SNX30: variants seen among roughly 807,000 people sequenced by gnomAD.
SNX30 encodes sorting nexin-30.
SNX30 carries 24 observed loss-of-function variants against 46.4 expected under a neutral mutation model. The ratio of observed to expected loss-of-function variants is 0.52; its 90% CI spans 0.37 to 0.73. The LOEUF (loss-of-function observed/expected upper bound fraction) is 0.73. Among genes scored for constraint, SNX30 ranks in the 30% least tolerant of loss-of-function variants. The pLI, the probability that SNX30 is intolerant of heterozygous loss-of-function variation, is 0.00. For missense variants in SNX30, 533 were observed against 555.7 expected (o/e 0.96, Z 0.41); for synonymous variants, 189 against 211.5 (o/e 0.89, Z 0.92).
intron 7 of SNX30, among the ~76,000 whole-genome samples, chr9:112,858,666 T>C (rs1175239327): frequency 6.6e-6 from 1 of 152,200 alleles, no homozygotes; most frequent in Admixed American, 6.5e-5. Context: ...TTGGGGAACT[T>C]CACAAGCTGG....
chr9:112,822,332 C>T (rs944166049), intron 3 of SNX30, among the ~76,000 whole-genome samples: 3 of 152,116 alleles, frequency 2.0e-5, no homozygotes, highest in Non-Finnish European at 4.4e-5. Flanking sequence ...ATAGTTGGAG[C>T]TGCCAGAAAG....
At chr9:112,775,542 T>TTGTGTGTG (rs199600863) in intron 1 of SNX30, among the ~76,000 whole-genome samples, 14,051 of 131,108 alleles carry the variant, frequency 0.11, 931 homozygotes, top group South Asian at 0.13. Context: ...TATTTTAAAT[T>TTGTGTGTG]TGTGTGTGTG....
chr9:112,766,500 A>G (rs1296903841), intron 1 of SNX30, among the ~76,000 whole-genome samples: 3 of 152,162 alleles, frequency 2.0e-5, no homozygotes, highest in Non-Finnish European at 4.4e-5. Flanking sequence ...CATCTTAACC[A>G]TTTTTAAGTA....
At chr9:112,821,960 G>A (rs1362256100) in intron 3 of SNX30, among the ~76,000 whole-genome samples, 1 of 151,686 alleles carries the variant, frequency 6.6e-6, no homozygotes, top group African/African-American at 2.4e-5. Context: ...ATTTTTTTTT[G>A]TAGAGACAAG....
chr9:112,882,833 C>T (rs1841597636), downstream of SNX30, among the ~76,000 whole-genome samples: 1 of 151,896 alleles, frequency 6.6e-6, no homozygotes, highest in African/African-American at 2.4e-5. Context: ...TAATATGAAC[C>T]TTTGGAAGTA....
rs377422322 is a variant in SNX30 at position 112,838,548 on chromosome 9, G to A, written c.865G>A (p.Ala289Thr). ...EYGPVYSTWSALEGELAEPLE... is the reference protein window; with the variant it reads ...EYGPVYSTWSTLEGELAEPLE... Reference sequence around the variant, plus strand: ...CGGGCCTGTGTACTCCACATGGAGCGCCTTGGAGGGTGAGCTGGCTGAACC... The same window carrying A: ...CGGGCCTGTGTACTCCACATGGAGCACCTTGGAGGGTGAGCTGGCTGAACC... The change falls in exon 6 of 9, where the codon GCC becomes ACC. Residue 289 changes from alanine (A) to threonine (T), a missense_variant. This residue lies in a region of SNX30 where 261 missense variants were observed against 270.9 expected (regional missense o/e 0.96). Transcript: ENST00000374232. 2.7e-5 allele frequency: 44 copies of A among 1,614,206 alleles called. No individual in the cohort carries two copies. The highest frequency in any genetic ancestry group is 1.2e-4 in the African/African-American group (9 of 75,052).
At chr9:112,842,605 T>C (rs1434435926) in intron 6 of SNX30, among the ~76,000 whole-genome samples, 1 of 152,226 alleles carries the variant, frequency 6.6e-6, no homozygotes, top group Non-Finnish European at 1.5e-5. Context: ...TTTTCTCTGT[T>C]GCATGGCCAC....
At position 112,789,544 on chromosome 9, in the gene SNX30, C is replaced by T. The variant is rs535134277; in HGVS notation, c.157-15232C>T. Reference sequence around the variant, plus strand: ...GGTAGCACTGCATTGGGATTTTGGCCTTGTGTATTCGGTGTTTAGTATATG... The same window carrying T: ...GGTAGCACTGCATTGGGATTTTGGCTTTGTGTATTCGGTGTTTAGTATATG... On this transcript the variant is annotated intron_variant, in intron 1 of 8. Coordinates refer to ENST00000374232, the MANE Select transcript of SNX30 (RefSeq NM_001012994.2). Among the ~76,000 whole-genome samples, 7 of 152,234 alleles carry T rather than the reference C, an allele frequency of 4.6e-5. No homozygotes were observed. The South Asian group carries it at 1.5e-3, about 32-fold the overall frequency.
intron 7 of SNX30, among the ~76,000 whole-genome samples, chr9:112,862,803 T>A (rs904233150): frequency 6.6e-6 from 1 of 151,920 alleles, no homozygotes; most frequent in African/African-American, 2.4e-5. Flanking sequence ...CCTCCAGTGA[T>A]CTTCTGCCTT....
intron 2 of SNX30, among the ~76,000 whole-genome samples, chr9:112,806,684 CT>C (rs1840230571): frequency 1.3e-5 from 2 of 152,290 alleles, no homozygotes; most frequent in Admixed American, 6.5e-5. Flanking sequence ...AGAAGCGATG[CT>C]GAAGGCCACA....
In SNX30 at chr9:112,872,697, T is replaced by C. The variant is rs557100569; in HGVS notation, c.*3854T>C. ...AAACTGGGTGATCCAATTATAGGGC[T>C]GGGGCAACCCTGCTTTGGCCACCCT... is the stretch of plus-strand genomic sequence containing the variant. On this transcript the variant is annotated 3_prime_UTR_variant, in exon 9 of 9. Transcript: ENST00000374232. 5.3e-5 allele frequency: 8 copies of C among 152,342 alleles called. No homozygotes were observed. In the South Asian group the frequency reaches 1.7e-3, roughly 32 times the overall value. The allele number at this position is 152,342 out of a possible 1,614,324, so 9.4% of individuals were successfully genotyped here.
At chr9:112,775,542 T>TTGTTTGTG (rs1219813458) in intron 1 of SNX30, among the ~76,000 whole-genome samples, 4 of 131,334 alleles carry the variant, frequency 3.0e-5, no homozygotes, top group Non-Finnish European at 4.8e-5. Flanking sequence ...TATTTTAAAT[T>TTGTTTGTG]TGTGTGTGTG....
At chr9:112,850,748 TG>T in intron 6 of SNX30, 110 bp from the exon 7 acceptor site, 1 of 717,314 alleles carries the variant, frequency 1.4e-6, no homozygotes, top group Non-Finnish European at 2.4e-6. Flanking sequence ...TGGCTGGGCC[TG>T]GGGTAGGCCT....
At chr9:112,842,036 C>T (rs369650926) in intron 6 of SNX30, among the ~76,000 whole-genome samples, 2 of 152,284 alleles carry the variant, frequency 1.3e-5, no homozygotes, top group Middle Eastern at 3.4e-3. Flanking sequence ...CTCCACCTCC[C>T]GGGTTCAAGT....
At chr9:112,825,982 G>A (rs1042266660) in intron 3 of SNX30, among the ~76,000 whole-genome samples, 2 of 152,118 alleles carry the variant, frequency 1.3e-5, no homozygotes, top group Non-Finnish European at 2.9e-5. Flanking sequence ...TCTCTCTAGG[G>A]TTCCTTTAAA....
At chr9:112,807,123 G>T (rs191992940) in intron 2 of SNX30, among the ~76,000 whole-genome samples, 102 of 132,882 alleles carry the variant, frequency 7.7e-4, no homozygotes, top group South Asian at 3.1e-3. Context: ...GGAGTGTAGT[G>T]GCGTGATCTC....
chr9:112,750,871 C>T lies in SNX30; in HGVS notation c.-131C>T, dbSNP rs1055172551. 1 of 853,314 alleles carries T rather than the reference C, an allele frequency of 1.2e-6. No individual in the cohort carries two copies. The highest frequency in any genetic ancestry group is 1.8e-5 in the African/African-American group (1 of 54,784). 52.9% of individuals were successfully genotyped at this position (853,314 alleles called of 1,614,324 possible). The stretch of plus-strand genomic sequence containing the variant: ...AGACCAGCCGGCGGGTGGCGGCGGC[C>T]CCCAGCACGGCCGGTGCAAGGCCTC... On this transcript the variant is annotated 5_prime_UTR_variant, in exon 1 of 9. Coordinates refer to ENST00000374232, the MANE Select transcript of SNX30 (RefSeq NM_001012994.2).
At chr9:112,751,245 C>T in intron 1 of SNX30, 88 bp downstream of exon 1, 1 of 1,272,242 alleles carries the variant, frequency 7.9e-7, no homozygotes, top group African/African-American at 1.5e-5. Context: ...GGCCTGGGGC[C>T]GCGCCCACCC....
chr9:112,877,039 G>T (rs557154724), downstream of SNX30: 15 of 152,278 alleles, frequency 9.9e-5, no homozygotes, highest in African/African-American at 3.4e-4. Context: ...GAGGGCTTGT[G>T]AGACACCAAT....
Sources: allele counts gnomAD v4.1 joint callset (sites outside exome capture counted in the v4.1 genomes callset), GRCh38; gene constraint gnomAD v4.1.1; regional missense constraint gnomAD v4.1.1; transcripts MANE v1.5; gene names NCBI Gene and HGNC (gene_info 2026-07-23, HGNC 2026-07-21).